Variants in EIF2AK3 observed in about 807,000 individuals in gnomAD.
EIF2AK3 encodes the protein eukaryotic translation initiation factor 2-alpha kinase 3.
In EIF2AK3, 50 loss-of-function variants were observed where a neutral mutation model predicts 113.5. That is an observed-to-expected ratio of 0.44 (90% CI 0.35 to 0.56). The LOEUF is 0.56. Among genes scored for constraint, EIF2AK3 ranks in the 20% least tolerant of loss-of-function variants. The pLI is 0.00. For missense variants in EIF2AK3, 1,185 were observed against 1,378.0 expected (o/e 0.86, Z 2.22); for synonymous variants, 448 against 495.4 (o/e 0.90, Z 1.27).
At chr2:88,569,348 C>T (rs186931656) in intron 14 of EIF2AK3, among the ~76,000 whole-genome samples, 1 of 149,142 alleles carries the variant, frequency 6.7e-6, no homozygotes, top group Non-Finnish European at 1.5e-5. Context: ...AAAAAAAAAA[C>T]AAACAACATT....
chr2:88,609,140 C>A lies in EIF2AK3; in HGVS notation c.438+4584G>T, dbSNP rs374214411. Reference sequence around the variant, plus strand: ...ACTTCTAGATGCTGAGCAGCACACACCTTGCTGAATAACAGATGACTCATG... The same window carrying A: ...ACTTCTAGATGCTGAGCAGCACACAACTTGCTGAATAACAGATGACTCATG... On this transcript the variant is annotated intron_variant, in intron 2 of 16. Transcript: ENST00000303236. Among the ~76,000 whole-genome samples the A allele has an allele frequency of 3.3e-5, 5 of 152,152 alleles. No individual in the cohort carries two copies. The East Asian group carries it at 5.8e-4, about 18-fold the overall frequency.
chr2:88,626,637 G>C (rs944265664), intron 1 of EIF2AK3, among the ~76,000 whole-genome samples: 10 of 152,232 alleles, frequency 6.6e-5, no homozygotes, highest in African/African-American at 2.2e-4. Flanking sequence ...AAGAGGGAAA[G>C]GTTCCTTGGA....
chr2:88,586,241 G>A (rs532968822), intron 8 of EIF2AK3, among the ~76,000 whole-genome samples, 180 bp from the exon 9 acceptor site: 27 of 151,616 alleles, frequency 1.8e-4, no homozygotes, highest in African/African-American at 6.5e-4. Context: ...CGTAAATATA[G>A]ACATTTTCCT....
chr2:88,607,385 TA>T (rs1174332590), intron 2 of EIF2AK3, among the ~76,000 whole-genome samples: 2 of 152,218 alleles, frequency 1.3e-5, no homozygotes, highest in Non-Finnish European at 2.9e-5. Context: ...GCAAAAATAT[TA>T]TGCTTAGAAC....
intron 16 of EIF2AK3, 38 bp downstream of exon 16, chr2:88,558,879 T>C: frequency 6.7e-7 from 1 of 1,493,528 alleles, no homozygotes; most frequent in South Asian, 1.1e-5. Flanking sequence ...GTTCTAAAGA[T>C]GATTCTAAAG....
In EIF2AK3 at chr2:88,627,024, T is replaced by C; in HGVS notation, c.251A>G (p.Glu84Gly). 1.2e-6 allele frequency: 2 copies of C among 1,604,932 alleles called. No individual in the cohort carries two copies. The highest frequency in any genetic ancestry group is 1.7e-6 in the Non-Finnish European group (2 of 1,178,524). Residue 84 changes from glutamate (E) to glycine (G), a missense_variant, in exon 1 of 17, where the codon GAG becomes GGG. Glu to Gly is a moderately conservative substitution (Grantham distance 98). Coordinates refer to ENST00000303236, the MANE Select transcript of EIF2AK3 (RefSeq NM_004836.7). ...TGGTTCCGGACCCCGAGGCTCCTGC[T>C]CTCCCGCGGCTGCCGGCAGCGCCTC... ...DAEALPAAAG[E>G]QEPRGPEPDD...
intron 2 of EIF2AK3, among the ~76,000 whole-genome samples, chr2:88,604,256 CA>C (rs1372608693): frequency 1.3e-5 from 2 of 152,176 alleles, no homozygotes; most frequent in Admixed American, 6.5e-5. Context: ...TGGCCCACCT[CA>C]ATGGGCTCAT....
intron 9 of EIF2AK3, 46 bp from the exon 10 acceptor site, chr2:88,583,588 G>A: frequency 7.4e-7 from 1 of 1,347,556 alleles, no homozygotes; most frequent in Non-Finnish European, 1.1e-6. Flanking sequence ...AAGCTGAACT[G>A]AAGTTAGCTA....
chr2:88,587,886 T>C, intron 8 of EIF2AK3, 96 bp downstream of exon 8: 2 of 859,722 alleles, frequency 2.3e-6, no homozygotes, highest in South Asian at 3.8e-5. Flanking sequence ...TCCCAAGATG[T>C]TTTATTGTCT....
At chr2:88,593,189 T>C in intron 4 of EIF2AK3, 83 bp downstream of exon 4, 1 of 1,554,042 alleles carries the variant, frequency 6.4e-7, no homozygotes, top group Non-Finnish European at 8.9e-7. Flanking sequence ...ATAGTCAAAA[T>C]CTCCACAAAC....
At position 88,623,997 on chromosome 2, in the gene EIF2AK3, C is replaced by CT. The variant is rs562658870; in HGVS notation, c.308+2969dup. On this transcript the variant is annotated intron_variant, in intron 1 of 16. Coordinates refer to ENST00000303236, the MANE Select transcript of EIF2AK3 (RefSeq NM_004836.7). ...CACCTGTTCCTTTCATTTTCCTTTT[C>CT]TTTTTTTTTTTGAGACGGAGTTTCG... Among the ~76,000 whole-genome samples, 1,452 of 146,910 alleles carry CT rather than the reference C, an allele frequency of 9.9e-3. 12 individuals are homozygous for CT. Among genetic ancestry groups the CT allele is most frequent in the Middle Eastern group, 0.018 (5 of 280 alleles).
At position 88,590,773 on chromosome 2, in the gene EIF2AK3, G is replaced by C. The variant is rs555011925; in HGVS notation, c.1002+45C>G. On this transcript the variant is annotated intron_variant, in intron 5 of 16. Transcript: ENST00000303236. ...CCCAATCAATAAGTTTGGTCAGACTGGGAGAGGAAGAACCGTATTTTAAAT... is the reference window on the plus strand; with the variant it reads ...CCCAATCAATAAGTTTGGTCAGACTCGGAGAGGAAGAACCGTATTTTAAAT... The C allele has an allele frequency of 4.2e-5, 68 of 1,603,954 alleles. No homozygotes were observed. The South Asian group carries it at 7.1e-4, about 17-fold the overall frequency.
At chr2:88,584,197 G>GTTCT (rs1674663016) in intron 9 of EIF2AK3, among the ~76,000 whole-genome samples, 2 of 152,090 alleles carry the variant, frequency 1.3e-5, no homozygotes, top group Non-Finnish European at 1.5e-5. Flanking sequence ...GTGGTAAACA[G>GTTCT]TGTAGACTGG....
chr2:88,608,954 G>A (rs537695024), intron 2 of EIF2AK3, among the ~76,000 whole-genome samples: 39 of 150,120 alleles, frequency 2.6e-4, no homozygotes, highest in Non-Finnish European at 5.2e-4. Flanking sequence ...GGCTGGTCTA[G>A]AACTCTTGAC....
intron 16 of EIF2AK3, 94 bp downstream of exon 16, chr2:88,558,823 A>C: frequency 9.7e-7 from 1 of 1,033,418 alleles, no homozygotes; most frequent in South Asian, 1.4e-5. Flanking sequence ...TGGCTTCCTC[A>C]TCTGTAAAAT....
chr2:88,558,916 C>T lies in EIF2AK3; in HGVS notation c.3150+1G>A, dbSNP rs762125383. ...AGATAAAAGATGAGAATTACACATA[C>T]CTCACAAGGATATTTCTGAGTAAAT... On this transcript the variant is annotated splice_donor_variant, in intron 16 of 16. Coordinates refer to ENST00000303236, the MANE Select transcript of EIF2AK3 (RefSeq NM_004836.7). LOFTEE classifies it high-confidence loss of function. The T allele has an allele frequency of 6.3e-7, 1 of 1,593,718 alleles. No homozygotes were observed. Among genetic ancestry groups the T allele is most frequent in the Non-Finnish European group, 8.6e-7 (1 of 1,162,038 alleles).
chr2:88,590,443 C>T lies in EIF2AK3; in HGVS notation c.1165G>A (p.Gly389Arg), dbSNP rs1459503137. 6.2e-7 allele frequency: 1 copy of T among 1,613,372 alleles called. No individual in the cohort carries two copies. The highest frequency in any genetic ancestry group is 1.7e-5 in the Admixed American group (1 of 59,990). Reference protein sequence around the residue: ...RGATENSVYLGMYRGQLYLQS... With the variant: ...RGATENSVYLRMYRGQLYLQS... Reference sequence around the variant, plus strand: ...CGTTAGATAAGATACATTTACTCACCCAAGTAAACACTGTTTTCTGTGGCT... The same window carrying T: ...CGTTAGATAAGATACATTTACTCACTCAAGTAAACACTGTTTTCTGTGGCT... Residue 389 changes from glycine (G) to arginine (R), a missense_variant and splice_region_variant, in exon 6 of 17, where the codon GGA becomes AGA. By Grantham distance (125) the Gly-to-Arg change is moderately radical. This residue lies in a region of EIF2AK3 where 877 missense variants were observed against 1,024.2 expected (regional missense o/e 0.86). Coordinates refer to ENST00000303236, the MANE Select transcript of EIF2AK3 (RefSeq NM_004836.7).
intron 3 of EIF2AK3, among the ~76,000 whole-genome samples, chr2:88,594,750 C>T (rs1028101011): frequency 1.2e-4 from 18 of 149,096 alleles, no homozygotes; most frequent in African/African-American, 4.2e-4. Context: ...TAGGATCAAA[C>T]CCTATAAATG....
At chr2:88,563,652 T>C (rs892197758) in intron 14 of EIF2AK3, among the ~76,000 whole-genome samples, 3 of 152,338 alleles carry the variant, frequency 2.0e-5, no homozygotes, top group Middle Eastern at 3.4e-3. Context: ...GGTACAGGGA[T>C]AGTTACCCAA....
Sources: allele counts gnomAD v4.1 joint callset (sites outside exome capture counted in the v4.1 genomes callset), GRCh38; gene constraint gnomAD v4.1.1; regional missense constraint gnomAD v4.1.1; transcripts MANE v1.5; gene names NCBI Gene and HGNC (gene_info 2026-07-23, HGNC 2026-07-21).